The following KLHL14 variants were observed in gnomAD, a reference collection of about 807,000 sequenced individuals.
KLHL14 encodes the protein kelch like family member 14.
A neutral mutation model predicts 64.3 loss-of-function variants in KLHL14; 22 were observed. That is an observed-to-expected ratio of 0.34 (90% CI 0.24 to 0.49). The LOEUF (loss-of-function observed/expected upper bound fraction) is 0.49, where lower values mean the gene tolerates loss of function less well. KLHL14 is among the 20% of genes least tolerant of loss of function. KLHL14 has a pLI of 0.99. For synonymous variants in KLHL14, 322 were observed against 333.4 expected, an observed-to-expected ratio of 0.97 and a Z score of 0.37; for missense variants, 661 against 789.0, an observed-to-expected ratio of 0.84 and a Z score of 1.94.
intron 2 of KLHL14, among the ~76,000 whole-genome samples, chr18:32,761,092 G>A (rs2050311499): frequency 6.6e-6 from 1 of 152,138 alleles, no homozygotes; most frequent in African/African-American, 2.4e-5. Flanking sequence ...TTTATGTTTA[G>A]TTTTTCTACA....
In KLHL14 at chr18:32,695,458, G is replaced by C. The variant is rs1423986903; in HGVS notation, c.1159+5C>G. 3.1e-6 allele frequency: 5 copies of C among 1,591,722 alleles called. No individual in the cohort carries two copies. The highest frequency in any genetic ancestry group is 4.3e-6 in the Non-Finnish European group (5 of 1,160,052). On this transcript the variant is annotated splice_donor_5th_base_variant and intron_variant, in intron 4 of 8. Transcript: ENST00000359358. ...GCACCTCCAATTAAGTTGTTCAATAGTTACCATTCGGATTCCACTGGTCCT... is the reference window on the plus strand; with the variant it reads ...GCACCTCCAATTAAGTTGTTCAATACTTACCATTCGGATTCCACTGGTCCT...
At position 32,674,088 on chromosome 18, in the gene KLHL14, T is replaced by C. The variant is rs2049798791; in HGVS notation, c.*569A>G. The C allele has an allele frequency of 6.6e-6, 1 of 152,258 alleles. No homozygotes were observed. The highest frequency in any genetic ancestry group is 1.5e-5 in the Non-Finnish European group (1 of 68,086). 9.4% of individuals were successfully genotyped at this position (152,258 alleles called of 1,614,324 possible). ...AGGTGCTGTAAGGGCAGAAGGTGTA[T>C]GAAATGAAGTTGTATAGAAACGAAA... On this transcript the variant is annotated 3_prime_UTR_variant, in exon 9 of 9. Transcript: ENST00000359358.
At chr18:32,717,232 G>A (rs2144506049) in intron 3 of KLHL14, among the ~76,000 whole-genome samples, 1 of 152,310 alleles carries the variant, frequency 6.6e-6, no homozygotes. Flanking sequence ...TGTTGCAAGT[G>A]CAATTTGATG....
intron 2 of KLHL14, among the ~76,000 whole-genome samples, chr18:32,748,315 A>G (rs1024689202): frequency 6.6e-6 from 1 of 151,486 alleles, no homozygotes; most frequent in African/African-American, 2.4e-5. Flanking sequence ...CCCGGGTTCA[A>G]GCAATTTCCG....
chr18:32,746,308 T>C (rs1280998271), intron 2 of KLHL14, among the ~76,000 whole-genome samples: 1 of 152,246 alleles, frequency 6.6e-6, no homozygotes, highest in African/African-American at 2.4e-5. Flanking sequence ...GCAAAGGCGA[T>C]GGAATCTGAA....
rs1409463156 is a variant in KLHL14 at position 32,756,884 on chromosome 18, A to G, written c.947+12761T>C. 2.6e-5 allele frequency among the ~76,000 whole-genome samples: 4 copies of G among 152,172 alleles called. No homozygotes were observed. In the East Asian group the frequency reaches 7.7e-4, roughly 29 times the overall value. ...CTTCTAAAGACAAAAACATGTGACT[A>G]ATTTCTAGAGGTTTTCTGCATTCTT... On this transcript the variant is annotated intron_variant, in intron 2 of 8. Transcript: ENST00000359358.
intron 2 of KLHL14, among the ~76,000 whole-genome samples, chr18:32,760,322 C>T (rs1222341725): frequency 7.4e-6 from 1 of 134,848 alleles, no homozygotes; most frequent in Non-Finnish European, 1.6e-5. Flanking sequence ...TGTGATTGGA[C>T]TGTGTACACA....
rs556138026 is a variant in KLHL14, at chr18:32,686,024, T to C, written c.1238+1131A>G. Among the ~76,000 whole-genome samples, 421 of 151,312 alleles carry C rather than the reference T, an allele frequency of 2.8e-3. 4 individuals carry two copies. Among genetic ancestry groups the C allele is most frequent in the African/African-American group, 9.9e-3 (410 of 41,328 alleles). On this transcript the variant is annotated intron_variant, in intron 5 of 8. Coordinates refer to ENST00000359358, the MANE Select transcript of KLHL14 (RefSeq NM_020805.3). ...TCCCTTTTTCTTTCTTTTTTTTTTT[T>C]TTTTTGAGATGGAGTCTTACTTTGT...
chr18:32,709,178 C>T (rs2050005683), intron 3 of KLHL14, among the ~76,000 whole-genome samples: 1 of 152,188 alleles, frequency 6.6e-6, no homozygotes, highest in Admixed American at 6.5e-5. Context: ...CTTTTCCACA[C>T]TCTGCCTCAC....
At chr18:32,740,208 G>GT (rs1398263012) in intron 3 of KLHL14, among the ~76,000 whole-genome samples, 1 of 152,158 alleles carries the variant, frequency 6.6e-6, no homozygotes, top group African/African-American at 2.4e-5. Context: ...GTCTATACCT[G>GT]TTGTCCTGGC....
chr18:32,734,743 C>T (rs954650768), intron 3 of KLHL14, among the ~76,000 whole-genome samples: 1 of 152,182 alleles, frequency 6.6e-6, no homozygotes, highest in Non-Finnish European at 1.5e-5. Flanking sequence ...CTCACAATAA[C>T]CCTGTGAGGT....
rs2049800228 is a variant in KLHL14, at chr18:32,674,358, T to C, written c.*299A>G. On this transcript the variant is annotated 3_prime_UTR_variant, in exon 9 of 9. Transcript: ENST00000359358. ...TCTGGGGCCAGTCTTCTGTATTTTA[T>C]CTTTCTCCTTTTGCAAGTTAAGATT... is the stretch of plus-strand genomic sequence containing the variant. 6.7e-6 allele frequency: 2 copies of C among 300,718 alleles called. No individual in the cohort carries two copies. The highest frequency in any genetic ancestry group is 1.5e-4 in the South Asian group (2 of 13,010). 18.6% of individuals were successfully genotyped at this position (300,718 alleles called of 1,614,324 possible). A position where few individuals can be genotyped will look rare whatever the true frequency, so the allele number is the denominator to read the frequency against.
chr18:32,766,255 C>T (rs377542006), intron 2 of KLHL14, among the ~76,000 whole-genome samples: 2 of 151,882 alleles, frequency 1.3e-5, no homozygotes, highest in East Asian at 1.9e-4. Flanking sequence ...GGGATAATTG[C>T]TAAATTATAC....
intron 2 of KLHL14, among the ~76,000 whole-genome samples, chr18:32,759,275 G>A (rs1196416223): frequency 3.3e-5 from 5 of 152,066 alleles, no homozygotes; most frequent in Non-Finnish European, 5.9e-5. Context: ...TGGCTAAAAT[G>A]GATAATGCTT....
At chr18:32,702,664 T>A (rs917872081) in intron 3 of KLHL14, among the ~76,000 whole-genome samples, 1 of 152,298 alleles carries the variant, frequency 6.6e-6, no homozygotes, top group South Asian at 2.1e-4. Flanking sequence ...AAACTACAAA[T>A]AAATGGAAAC....
intron 2 of KLHL14, among the ~76,000 whole-genome samples, chr18:32,746,385 G>A (rs568822153): frequency 3.3e-5 from 5 of 152,296 alleles, no homozygotes; most frequent in African/African-American, 7.2e-5. Flanking sequence ...GCGTGTGTGC[G>A]CGCCTGTATG....
chr18:32,698,700 A>C (rs1298537079), intron 3 of KLHL14, among the ~76,000 whole-genome samples: 1 of 152,180 alleles, frequency 6.6e-6, no homozygotes, highest in Non-Finnish European at 1.5e-5. Flanking sequence ...GAGACTTCTC[A>C]ACTTTATTAA....
At chr18:32,707,209 A>G (rs2049994851) in intron 3 of KLHL14, among the ~76,000 whole-genome samples, 1 of 152,236 alleles carries the variant, frequency 6.6e-6, no homozygotes, top group Non-Finnish European at 1.5e-5. Context: ...TCAGCTCTAT[A>G]TCAGTTGCCT....
chr18:32,729,313 C>A (rs1412393075), intron 3 of KLHL14, among the ~76,000 whole-genome samples: 1 of 152,080 alleles, frequency 6.6e-6, no homozygotes, highest in African/African-American at 2.4e-5. Context: ...CATACAGAAG[C>A]CACTTGCCAC....
Sources: gnomAD v4.1 joint callset for allele counts (sites outside exome capture counted in the v4.1 genomes callset) on GRCh38, gnomAD v4.1.1 for gene constraint, MANE v1.5 for transcripts, NCBI Gene and HGNC (gene_info 2026-07-23, HGNC 2026-07-21) for gene names.